The following LEKR1 variants were observed in gnomAD, a reference collection of about 807,000 sequenced individuals.
LEKR1 encodes leucine, glutamate and lysine rich 1.
LEKR1 carries 59 observed loss-of-function variants against 72.4 expected under a neutral mutation model. The ratio of observed to expected loss-of-function variants is 0.82; its 90% CI spans 0.66 to 1.01. The LOEUF (loss-of-function observed/expected upper bound fraction) is 1.01. Ranked by LOEUF, LEKR1 falls within the 50% of genes least tolerant of loss-of-function variation. LEKR1 has a pLI of 0.00. For synonymous variants in LEKR1, 257 were observed against 263.2 expected (o/e 0.98, Z 0.23); for missense variants, 728 against 759.2 (o/e 0.96, Z 0.48).
At chr3:156,912,304 T>C (rs888782070) in intron 3 of LEKR1, among the ~76,000 whole-genome samples, 3 of 152,150 alleles carry the variant, frequency 2.0e-5, no homozygotes, top group Non-Finnish European at 4.4e-5. Flanking sequence ...AGCCTCCTCC[T>C]TCTGAGTCTC....
intron 2 of LEKR1, among the ~76,000 whole-genome samples, chr3:156,849,197 C>G (rs542281077): frequency 1.2e-3 from 188 of 152,270 alleles, no homozygotes; most frequent in African/African-American, 4.3e-3. Flanking sequence ...ATCCAACTTA[C>G]AAGGGATGTG....
chr3:156,895,538 G>A (rs538471489), intron 3 of LEKR1, among the ~76,000 whole-genome samples: 8 of 152,112 alleles, frequency 5.3e-5, no homozygotes, highest in South Asian at 4.1e-4. Flanking sequence ...TTGAGCCCAG[G>A]AAGCAGAGGT....
chr3:156,931,450 C>T (rs998437245), intron 5 of LEKR1, among the ~76,000 whole-genome samples: 5 of 152,238 alleles, frequency 3.3e-5, no homozygotes, highest in Non-Finnish European at 7.4e-5. Flanking sequence ...TCTCATTAAA[C>T]TAAATATACA....
rs567930058 is a variant in LEKR1, at chr3:156,856,164, A to G, written c.263+3182A>G. 4.6e-5 allele frequency among the ~76,000 whole-genome samples: 7 copies of G among 152,240 alleles called. No homozygotes were observed. In the East Asian group the frequency reaches 1.2e-3, roughly 25 times the overall value. ...GTATATAATTTGAGGTAGATTTCCA[A>G]TTTCATGTTTGTTGTTTCTCAGATG... is the stretch of plus-strand genomic sequence containing the variant. On this transcript the variant is annotated intron_variant, in intron 3 of 12. Transcript: ENST00000356539.
intron 5 of LEKR1, among the ~76,000 whole-genome samples, chr3:156,941,306 T>C (rs908560277): frequency 2.6e-5 from 4 of 152,048 alleles, no homozygotes; most frequent in African/African-American, 4.8e-5. Flanking sequence ...TGCCACTTTT[T>C]CTCCCAGACA....
chr3:156,951,904 A>T (rs933239551), intron 6 of LEKR1, among the ~76,000 whole-genome samples: 2 of 151,120 alleles, frequency 1.3e-5, no homozygotes, highest in Non-Finnish European at 3.0e-5. Flanking sequence ...TTTGGGGTTG[A>T]TTTGCTCTTT....
chr3:157,010,083 T>C (rs1435987531), intron 9 of LEKR1, among the ~76,000 whole-genome samples: 1 of 152,072 alleles, frequency 6.6e-6, no homozygotes, highest in Non-Finnish European at 1.5e-5. Context: ...ATTTCTGATA[T>C]TAGTAATTTC....
chr3:157,007,058 C>T (rs965348374), intron 9 of LEKR1, among the ~76,000 whole-genome samples: 12 of 152,040 alleles, frequency 7.9e-5, no homozygotes, highest in Non-Finnish European at 1.8e-4. Flanking sequence ...AAAAAATAGC[C>T]GGGCGTGGTG....
At chr3:156,982,199 T>C (rs555791065) in intron 7 of LEKR1, among the ~76,000 whole-genome samples, 1 of 152,248 alleles carries the variant, frequency 6.6e-6, no homozygotes, top group Admixed American at 6.5e-5. Flanking sequence ...ATAATGTCAG[T>C]TTTAGTTGAT....
At chr3:156,838,390 C>T (rs575386147) in intron 2 of LEKR1, among the ~76,000 whole-genome samples, 1 of 152,300 alleles carries the variant, frequency 6.6e-6, no homozygotes, top group East Asian at 1.9e-4. Context: ...GGATTCCTAA[C>T]CAAAAATTTC....
chr3:156,915,141 A>G (rs1032149859), intron 3 of LEKR1, among the ~76,000 whole-genome samples: 1 of 152,036 alleles, frequency 6.6e-6, no homozygotes, highest in Non-Finnish European at 1.5e-5. Flanking sequence ...TTATGGCTGT[A>G]TCCAATCTGT....
At chr3:156,918,721 G>A (rs763368288) in intron 3 of LEKR1, among the ~76,000 whole-genome samples, 6 of 152,090 alleles carry the variant, frequency 3.9e-5, no homozygotes, top group Non-Finnish European at 8.8e-5. Flanking sequence ...GGAAATATCA[G>A]TGTAAACATG....
At chr3:156,960,260 T>A (rs1378175716) in intron 6 of LEKR1, among the ~76,000 whole-genome samples, 1 of 152,158 alleles carries the variant, frequency 6.6e-6, no homozygotes, top group African/African-American at 2.4e-5. Context: ...CAGCTTTGAT[T>A]CAAGTATATG....
At chr3:156,880,705 A>C (rs1338859429) in intron 3 of LEKR1, among the ~76,000 whole-genome samples, 1 of 152,184 alleles carries the variant, frequency 6.6e-6, no homozygotes, top group Admixed American at 6.5e-5. Context: ...CAAAAAAGAG[A>C]ATTTTAGACC....
chr3:156,957,002 A>G (rs180773099), intron 6 of LEKR1, among the ~76,000 whole-genome samples: 22 of 152,166 alleles, frequency 1.4e-4, no homozygotes, highest in Non-Finnish European at 2.8e-4. Flanking sequence ...TCATTTGGTG[A>G]CATAAGTTAT....
chr3:156,841,954 C>T (rs946799612), intron 2 of LEKR1, among the ~76,000 whole-genome samples: 1 of 152,226 alleles, frequency 6.6e-6, no homozygotes, highest in Admixed American at 6.5e-5. Flanking sequence ...CGTCTGAGCT[C>T]TGCCTCCTGT....
At chr3:157,025,580 T>C (rs1319603234) in intron 11 of LEKR1, among the ~76,000 whole-genome samples, 1 of 152,198 alleles carries the variant, frequency 6.6e-6, no homozygotes, top group Admixed American at 6.5e-5. Flanking sequence ...TACATTTGTG[T>C]ACAGGAGGTA....
chr3:157,013,575 C>G (rs990693224), intron 10 of LEKR1, among the ~76,000 whole-genome samples: 8 of 151,982 alleles, frequency 5.3e-5, no homozygotes, highest in African/African-American at 1.7e-4. Flanking sequence ...TATATATTTT[C>G]TATAGTATAA....
intron 2 of LEKR1, among the ~76,000 whole-genome samples, chr3:156,829,811 A>G (rs1712125589): frequency 6.6e-6 from 1 of 152,152 alleles, no homozygotes; most frequent in Non-Finnish European, 1.5e-5. Flanking sequence ...GTCCACTTAT[A>G]TGTGGGTTTT....
Sources: gnomAD v4.1 joint callset for allele counts (sites outside exome capture counted in the v4.1 genomes callset) on GRCh38, gnomAD v4.1.1 for gene constraint, MANE v1.5 for transcripts, NCBI Gene and HGNC (gene_info 2026-07-23, HGNC 2026-07-21) for gene names.